The following MYT1L variants were observed in gnomAD, a reference collection of about 807,000 sequenced individuals.
The protein encoded by MYT1L is myelin transcription factor 1 like.
MYT1L carries 12 observed loss-of-function variants against 126.7 expected under a neutral mutation model. The ratio of observed to expected loss-of-function variants is 0.09; its 90% CI spans 0.06 to 0.15. The LOEUF (loss-of-function observed/expected upper bound fraction) is 0.15, where lower values mean the gene tolerates loss of function less well. Among genes scored for constraint, MYT1L ranks in the 10% least tolerant of loss-of-function variants. The probability of loss-of-function intolerance (pLI) is 1.00; values close to 1 mark genes in which losing one functional copy is unlikely to be tolerated. For synonymous variants in MYT1L, 541 were observed against 604.2 expected (o/e 0.90, Z 1.53); for missense variants, 979 against 1,585.2 (o/e 0.62, Z 6.49).
chr2:2,006,896 A>G (rs1024460475), intron 4 of MYT1L, among the ~76,000 whole-genome samples: 2 of 152,066 alleles, frequency 1.3e-5, no homozygotes, highest in African/African-American at 4.8e-5. Context: ...AGGAAAAAAA[A>G]AAAAGTTCCA....
At chr2:1,896,583 T>A (rs1270757506) in intron 14 of MYT1L, among the ~76,000 whole-genome samples, 1 of 152,218 alleles carries the variant, frequency 6.6e-6, no homozygotes, top group African/African-American at 2.4e-5. Context: ...AATGAATTAA[T>A]GCAGGGACAG....
intron 19 of MYT1L, 134 bp downstream of exon 19, chr2:1,851,507 C>G: frequency 2.5e-6 from 2 of 805,198 alleles, no homozygotes; most frequent in Non-Finnish European, 4.2e-6. Flanking sequence ...TGCTTTATGG[C>G]GCTAAGAGTC....
chr2:2,301,718 C>A (rs556287596), intron 1 of MYT1L, among the ~76,000 whole-genome samples: 1 of 151,340 alleles, frequency 6.6e-6, no homozygotes, highest in Admixed American at 6.6e-5. Context: ...GTAGTCCCAG[C>A]TACTCAGGAG....
At chr2:1,946,706 C>T (rs1398039891) in intron 8 of MYT1L, among the ~76,000 whole-genome samples, 1 of 152,190 alleles carries the variant, frequency 6.6e-6, no homozygotes, top group Non-Finnish European at 1.5e-5. Flanking sequence ...CTATAGTCTA[C>T]ATAACATTTC....
intron 3 of MYT1L, among the ~76,000 whole-genome samples, chr2:2,120,310 G>A (rs919693649): frequency 2.6e-5 from 4 of 152,088 alleles, no homozygotes; most frequent in Admixed American, 2.6e-4. Flanking sequence ...CCTTAAAGCT[G>A]GGGATGAACG....
At chr2:2,003,090 TC>T (rs1003387252) in intron 4 of MYT1L, among the ~76,000 whole-genome samples, 5 of 152,264 alleles carry the variant, frequency 3.3e-5, no homozygotes, top group African/African-American at 1.2e-4. Context: ...TGCCTCCACG[TC>T]AACCCCACGG....
chr2:2,197,592 A>C (rs954846882), intron 2 of MYT1L, among the ~76,000 whole-genome samples: 3 of 151,948 alleles, frequency 2.0e-5, no homozygotes, highest in African/African-American at 7.3e-5. Context: ...GAAGGTGCAG[A>C]TATATGTAAC....
At chr2:2,278,513 G>A (rs947936221) in intron 2 of MYT1L, among the ~76,000 whole-genome samples, 5 of 152,164 alleles carry the variant, frequency 3.3e-5, no homozygotes, top group South Asian at 2.1e-4. Flanking sequence ...GGCCACTGTC[G>A]CTTATCTAGA....
At chr2:1,978,919 G>A (rs144401901) in intron 8 of MYT1L, among the ~76,000 whole-genome samples, 109 of 152,260 alleles carry the variant, frequency 7.2e-4, no homozygotes, top group African/African-American at 2.5e-3. Context: ...GGGAACATGA[G>A]CTTAAGGCTG....
chr2:1,978,369 C>T (rs977990059), intron 8 of MYT1L, among the ~76,000 whole-genome samples: 2 of 152,182 alleles, frequency 1.3e-5, no homozygotes, highest in Non-Finnish European at 2.9e-5. Context: ...CCTGTAAACT[C>T]TTTTACCTCA....
chr2:1,857,059 C>T lies in MYT1L; in HGVS notation c.2712-5356G>A, dbSNP rs116325956. 8.0e-3 allele frequency among the ~76,000 whole-genome samples: 1,221 copies of T among 152,278 alleles called. 7 individuals carry two copies. The highest frequency in any genetic ancestry group is 0.012 in the Admixed American group (186 of 15,310). On this transcript the variant is annotated intron_variant, in intron 18 of 24. Transcript: ENST00000647738. ...GAGGCCACAGGCCTGGGAGGCAGGGCCTGGGAGTCCTCCCAGCCTGACTCA... is the reference window on the plus strand; with the variant it reads ...GAGGCCACAGGCCTGGGAGGCAGGGTCTGGGAGTCCTCCCAGCCTGACTCA...
At chr2:1,829,567 T>G (rs1217168727) in intron 21 of MYT1L, among the ~76,000 whole-genome samples, 1 of 121,410 alleles carries the variant, frequency 8.2e-6, no homozygotes, top group Non-Finnish European at 1.7e-5. Flanking sequence ...GAACTGACCC[T>G]CCCATGCACC....
intron 9 of MYT1L, among the ~76,000 whole-genome samples, chr2:1,928,674 T>C (rs1453847608): frequency 6.6e-6 from 1 of 152,184 alleles, no homozygotes; most frequent in Non-Finnish European, 1.5e-5. Context: ...TCCGAGTTTT[T>C]TTTTCTCCTT....
chr2:2,236,145 A>C (rs2094295077), intron 2 of MYT1L, among the ~76,000 whole-genome samples: 1 of 146,736 alleles, frequency 6.8e-6, no homozygotes, highest in Admixed American at 6.8e-5. Context: ...AACCCAACCC[A>C]GTACATCCCA....
chr2:2,231,157 A>T (rs2094151396), intron 2 of MYT1L, among the ~76,000 whole-genome samples: 1 of 152,216 alleles, frequency 6.6e-6, no homozygotes, highest in Non-Finnish European at 1.5e-5. Context: ...ACTGGTTCCC[A>T]GACTATTGAG....
chr2:1,844,809 C>T (rs12714322), intron 19 of MYT1L, among the ~76,000 whole-genome samples: 66,898 of 151,922 alleles, frequency 0.44, 15,638 homozygotes, highest in East Asian at 0.67. Flanking sequence ...CGCTCCCCCT[C>T]GTCTTCTCCT....
chr2:2,262,087 T>C (rs2094982864), intron 2 of MYT1L, among the ~76,000 whole-genome samples: 1 of 152,220 alleles, frequency 6.6e-6, no homozygotes, highest in Non-Finnish European at 1.5e-5. Flanking sequence ...TCTGGAGTTT[T>C]TGTGTATTTT....
chr2:1,922,981 T>A lies in MYT1L; in HGVS notation c.788A>T (p.Asp263Val). 3 of 1,613,980 alleles carry A rather than the reference T, an allele frequency of 1.9e-6. No individual in the cohort carries two copies. Among genetic ancestry groups the A allele is most frequent in the Non-Finnish European group, 2.5e-6 (3 of 1,179,880 alleles). The change falls in exon 10 of 25, where the codon GAC becomes GTC. Residue 263 changes from aspartate to valine, a missense_variant. By Grantham distance (152) the Asp-to-Val change is radical. Coordinates refer to ENST00000647738, the MANE Select transcript of MYT1L (RefSeq NM_001303052.2). The surrounding 1 kb of genome is among the most constrained non-coding windows in gnomAD (Gnocchi z 7.4). ...TCCTTGGGCTAATAGTTTAAGGGAGTCCACTGTTTCTCTAACAACATCACT... is the reference window on the plus strand; with the variant it reads ...TCCTTGGGCTAATAGTTTAAGGGAGACCACTGTTTCTCTAACAACATCACT... ...LDSDVVRETV[D>V]SLKLLAQGHG...
At chr2:1,869,681 C>T (rs2046037181) in intron 18 of MYT1L, among the ~76,000 whole-genome samples, 1 of 152,202 alleles carries the variant, frequency 6.6e-6, no homozygotes, top group African/African-American at 2.4e-5. Context: ...TTGCCAGACA[C>T]AGTATCAGGC....
Sources: allele counts gnomAD v4.1 joint callset (sites outside exome capture counted in the v4.1 genomes callset), GRCh38; gene constraint gnomAD v4.1.1; non-coding constraint Gnocchi (gnomAD v3.1); transcripts MANE v1.5; gene names NCBI Gene and HGNC (gene_info 2026-07-23, HGNC 2026-07-21).